The following GALNT13 variants were observed in gnomAD, a reference collection of about 807,000 sequenced individuals.
GALNT13 encodes the protein polypeptide N-acetylgalactosaminyltransferase 13, also known as UDP-GalNAc:polypeptide N-acetylgalactosaminyltransferase 13.
In GALNT13, 28 loss-of-function variants were observed where a neutral mutation model predicts 64.2. The ratio of observed to expected loss-of-function variants is 0.44; its 90% confidence interval spans 0.32 to 0.60. The LOEUF (loss-of-function observed/expected upper bound fraction) is 0.60. Ranked by LOEUF, GALNT13 falls within the 20% of genes least tolerant of loss-of-function variation. The pLI is 0.05. For missense variants in GALNT13, 577 were observed against 669.8 expected (o/e 0.86, Z 1.53); for synonymous variants, 214 against 224.6 (o/e 0.95, Z 0.42).
At chr2:153,872,628 G>GCGGA (rs1191264117) in intron 1 of GALNT13, among the ~76,000 whole-genome samples, 1 of 99,488 alleles carries the variant, frequency 1.0e-5, no homozygotes, top group African/African-American at 3.5e-5. Flanking sequence ...GCGGGGGGGG[G>GCGGA]GGGGGGAGCG....
chr2:153,368,006 G>A, the GALNT13 span, among the ~76,000 whole-genome samples: 712 of 152,034 alleles, frequency 4.7e-3, 8 homozygotes, highest in African/African-American at 0.016. Context: ...CAGTTAAAGC[G>A]TAAAGATTGT....
intron 9 of GALNT13, among the ~76,000 whole-genome samples, chr2:154,310,751 T>G (rs1177309093): frequency 6.6e-6 from 1 of 152,040 alleles, no homozygotes; most frequent in Non-Finnish European, 1.5e-5. Context: ...ACTACCTGGG[T>G]TAATTCAAAT....
the GALNT13 span, among the ~76,000 whole-genome samples, chr2:153,723,808 T>C: frequency 1.8e-3 from 274 of 150,402 alleles, 2 homozygotes; most frequent in Non-Finnish European, 3.0e-3. Context: ...TAAAAGAGGA[T>C]ACAAACAAAT....
At chr2:153,448,724 G>T in the GALNT13 span, among the ~76,000 whole-genome samples, 1 of 152,018 alleles carries the variant, frequency 6.6e-6, no homozygotes. Flanking sequence ...TGCATCTCAG[G>T]ACACTTTTCA....
the GALNT13 span, among the ~76,000 whole-genome samples, chr2:153,264,527 G>A: frequency 6.6e-6 from 1 of 152,136 alleles, no homozygotes. Flanking sequence ...GCAAAGACAT[G>A]GAATCAACCA....
the GALNT13 span, among the ~76,000 whole-genome samples, chr2:153,628,492 T>C: frequency 6.6e-6 from 1 of 151,438 alleles, no homozygotes; most frequent in East Asian, 1.9e-4. Context: ...TTGTCATAGA[T>C]AGCTCTTATT....
At position 154,450,676 on chromosome 2, in the gene GALNT13, T is replaced by C. The variant is rs1701840980; in HGVS notation, c.*125T>C. The C allele has an allele frequency of 1.2e-6, 1 of 845,578 alleles. No individual in the cohort carries two copies. Among genetic ancestry groups the C allele is most frequent in the Non-Finnish European group, 1.7e-6 (1 of 578,202 alleles). 52.4% of individuals were successfully genotyped at this position (845,578 alleles called of 1,614,324 possible). A position where few individuals can be genotyped will look rare whatever the true frequency, so the allele number is the denominator to read the frequency against. On this transcript the variant is annotated 3_prime_UTR_variant, in exon 13 of 13. Transcript: ENST00000392825. ...ATCCTTTTAGTATTCTAAAACACAA[T>C]TGTTTCTAATTCGTTTCTAGAAATG...
intron 3 of GALNT13, among the ~76,000 whole-genome samples, chr2:153,946,458 A>T (rs1159224868): frequency 6.6e-6 from 1 of 152,140 alleles, no homozygotes; most frequent in Non-Finnish European, 1.5e-5. Flanking sequence ...TTGTTAAAAA[A>T]ATATAGACTT....
At chr2:153,109,361 G>A in the GALNT13 span, among the ~76,000 whole-genome samples, 1 of 152,072 alleles carries the variant, frequency 6.6e-6, no homozygotes, top group African/African-American at 2.4e-5. Flanking sequence ...AGCATTTGCT[G>A]GACATGTTGA....
intron 3 of GALNT13, among the ~76,000 whole-genome samples, chr2:154,108,573 A>G (rs1036761592): frequency 6.6e-6 from 1 of 152,074 alleles, no homozygotes; most frequent in Admixed American, 6.6e-5. Context: ...GCTGTTCAGT[A>G]GCTTTTAAAT....
chr2:154,231,666 G>A (rs1024303277), intron 4 of GALNT13, among the ~76,000 whole-genome samples: 2 of 151,156 alleles, frequency 1.3e-5, no homozygotes, highest in Admixed American at 1.3e-4. Context: ...AAACCACAAG[G>A]TGCAGTGGAA....
chr2:153,765,023 G>A, the GALNT13 span, among the ~76,000 whole-genome samples: 1 of 152,234 alleles, frequency 6.6e-6, no homozygotes, highest in Non-Finnish European at 1.5e-5. Flanking sequence ...GTATGAAAAT[G>A]CCTGGATGTC....
At chr2:153,562,628 T>G in the GALNT13 span, among the ~76,000 whole-genome samples, 3 of 152,170 alleles carry the variant, frequency 2.0e-5, no homozygotes, top group Non-Finnish European at 2.9e-5. Flanking sequence ...CTTGGTGGGC[T>G]TCCTCTCTAA....
chr2:153,954,076 G>A (rs1414075516), intron 3 of GALNT13, among the ~76,000 whole-genome samples: 1 of 152,066 alleles, frequency 6.6e-6, no homozygotes, highest in East Asian at 1.9e-4. Context: ...TTATTAAACA[G>A]CAAATGTTTG....
At chr2:153,714,615 G>A in the GALNT13 span, among the ~76,000 whole-genome samples, 1 of 152,058 alleles carries the variant, frequency 6.6e-6, no homozygotes, top group African/African-American at 2.4e-5. Context: ...TATAATTAAG[G>A]TAGAGAAAAA....
intron 3 of GALNT13, among the ~76,000 whole-genome samples, chr2:154,087,917 C>A (rs72870344): frequency 6.6e-6 from 1 of 152,148 alleles, no homozygotes; most frequent in South Asian, 2.1e-4. Flanking sequence ...ATTTTTGTAG[C>A]ACTTTTGTAG....
At chr2:153,502,362 C>G in the GALNT13 span, among the ~76,000 whole-genome samples, 1 of 152,236 alleles carries the variant, frequency 6.6e-6, no homozygotes, top group South Asian at 2.1e-4. Context: ...TCACAAGTTA[C>G]TTCACTTAGA....
chr2:153,682,840 A>G, the GALNT13 span, among the ~76,000 whole-genome samples: 174 of 151,904 alleles, frequency 1.1e-3, no homozygotes, highest in African/African-American at 4.0e-3. Flanking sequence ...TAAGTATTCT[A>G]AAGTAACAAG....
chr2:153,856,231 G>A, the GALNT13 span, among the ~76,000 whole-genome samples: 1 of 111,142 alleles, frequency 9.0e-6, no homozygotes, highest in African/African-American at 3.5e-5. Context: ...GTTATAAATT[G>A]TATCTCAATA....
Sources: gnomAD v4.1 joint callset for allele counts (sites outside exome capture counted in the v4.1 genomes callset) on GRCh38, gnomAD v4.1.1 for gene constraint, MANE v1.5 for transcripts, NCBI Gene and HGNC (gene_info 2026-07-23, HGNC 2026-07-21) for gene names.